Variants in PPP2R5C observed in about 807,000 individuals in gnomAD.
The protein encoded by PPP2R5C is protein phosphatase 2 regulatory subunit B'gamma.
In PPP2R5C, 7 loss-of-function variants were observed where a neutral mutation model predicts 68.9. The ratio of observed to expected loss-of-function variants is 0.10; its 90% CI spans 0.06 to 0.19. The LOEUF (loss-of-function observed/expected upper bound fraction) is 0.19, where lower values mean the gene tolerates loss of function less well. PPP2R5C is among the 10% of genes least tolerant of loss of function. PPP2R5C has a pLI of 1.00. For synonymous variants in PPP2R5C, 210 were observed against 222.2 expected (o/e 0.95, Z 0.49); for missense variants, 348 against 641.3 (o/e 0.54, Z 4.94).
intron 2 of PPP2R5C, among the ~76,000 whole-genome samples, chr14:101,866,926 AT>A (rs1403730603): frequency 6.6e-6 from 1 of 151,840 alleles, no homozygotes; most frequent in African/African-American, 2.4e-5. Flanking sequence ...TACAAAAAAA[AT>A]TTTTTTAGGC....
chr14:101,797,381 T>G lies in PPP2R5C; in HGVS notation c.259+11198T>G, dbSNP rs2038663706. 6.9e-6 allele frequency: 3 copies of G among 437,636 alleles called. No individual in the cohort carries two copies. Among genetic ancestry groups the G allele is most frequent in the Non-Finnish European group, 1.4e-5 (3 of 214,212 alleles). 27.1% of individuals were successfully genotyped at this position (437,636 alleles called of 1,614,324 possible). A position where few individuals can be genotyped will look rare whatever the true frequency, so the allele number is the denominator to read the frequency against. ...GTCAGTACACGAGTTAACAGTTGCG[T>G]GCTTGTCTGCCTGTGTCATCCATTC... On this transcript the variant is annotated intron_variant, in intron 3 of 14. Coordinates refer to the PPP2R5C transcript ENST00000328724. This position sits in a 1 kb window ranked among gnomAD's most constrained non-coding sequence, Gnocchi z 4.2.
chr14:101,850,499 G>A lies in PPP2R5C; in HGVS notation c.95-6187G>A, dbSNP rs560507534. Reference sequence around the variant, plus strand: ...TTTAAAGAGAACTTGAGTAATTGGCGAAACAGTCCATGTTCATGAATTGGA... The same window carrying A: ...TTTAAAGAGAACTTGAGTAATTGGCAAAACAGTCCATGTTCATGAATTGGA... On this transcript the variant is annotated intron_variant, in intron 1 of 13. Transcript: ENST00000334743. 3.3e-5 allele frequency among the ~76,000 whole-genome samples: 5 copies of A among 152,264 alleles called. No homozygotes were observed. The South Asian group carries it at 6.2e-4, about 19-fold the overall frequency.
intron 1 of PPP2R5C, among the ~76,000 whole-genome samples, chr14:101,845,052 A>G (rs1421827257): frequency 6.6e-6 from 1 of 151,894 alleles, no homozygotes; most frequent in East Asian, 1.9e-4. Flanking sequence ...TGTGGGAAAT[A>G]TGGCCTGTAT....
rs11325673 is a variant in PPP2R5C at position 101,924,445 on chromosome 14, C to CTTTTTTTTTTTTTTTTTTTTTTTTTTTT, written c.1444-684_1444-683insTTTTTTTTTTTTTTTTTTTTTTTTTTTT. Among the ~76,000 whole-genome samples, 233 of 84,432 alleles carry CTTTTTTTTTTTTTTTTTTTTTTTTTTTT rather than the reference C, an allele frequency of 2.8e-3. 40 individuals carry two copies. Among genetic ancestry groups the CTTTTTTTTTTTTTTTTTTTTTTTTTTTT allele is most frequent in the African/African-American group, 4.5e-3 (103 of 23,032 alleles). The allele number at this position is 84,432 out of a possible 152,430, so 55.4% of individuals were successfully genotyped here. Reference sequence around the variant, plus strand: ...TTTACCTCCAAGGAAATTTCTACATCTTTTTTTTTTTTGAGATGGAGTCTG... The same window carrying CTTTTTTTTTTTTTTTTTTTTTTTTTTTT: ...TTTACCTCCAAGGAAATTTCTACATCTTTTTTTTTTTTTTTTTTTTTTTTTTTTTTTTTTTTTTTTGAGATGGAGTCTG... On this transcript the variant is annotated intron_variant, in intron 13 of 13. Transcript: ENST00000334743.
chr14:101,921,508 C>G (rs764205997), intron 13 of PPP2R5C: 1 of 151,306 alleles, frequency 6.6e-6, no homozygotes, highest in African/African-American at 2.4e-5. Context: ...GGTGACAGAG[C>G]CAGACTCGGA....
At chr14:101,914,129 T>C (rs1299163578) in intron 12 of PPP2R5C, 1 of 452,714 alleles carries the variant, frequency 2.2e-6, no homozygotes, top group Admixed American at 2.4e-5. Flanking sequence ...TAACTTTCTG[T>C]ATTCTTTTTG....
chr14:101,807,053 T>A (rs1053957779), upstream of PPP2R5C, among the ~76,000 whole-genome samples: 1 of 152,234 alleles, frequency 6.6e-6, no homozygotes, highest in Non-Finnish European at 1.5e-5. Context: ...ATTTTTTTGC[T>A]TGAGAATTGA....
rs768687018 is a variant in PPP2R5C at position 101,916,359 on chromosome 14, G to A, written c.1327-1472G>A. On this transcript the variant is annotated intron_variant, in intron 12 of 13. Coordinates refer to ENST00000334743, the Ensembl canonical transcript of PPP2R5C. The surrounding 1 kb of genome is among the most constrained non-coding windows in gnomAD (Gnocchi z 5.5). The stretch of plus-strand genomic sequence containing the variant: ...ACGTGGAAGCCAGGTGGGCTGAGTT[G>A]AGCAGCAGGGCCTGGGCCTGGAGGC... 7.2e-5 allele frequency among the ~76,000 whole-genome samples: 11 copies of A among 152,190 alleles called. No homozygotes were observed. The highest frequency in any genetic ancestry group is 3.2e-3 in the Middle Eastern group (1 of 316).
At chr14:101,847,030 C>T (rs940414493) in intron 1 of PPP2R5C, among the ~76,000 whole-genome samples, 3 of 152,188 alleles carry the variant, frequency 2.0e-5, no homozygotes, top group Non-Finnish European at 4.4e-5. Flanking sequence ...ATGTTGCATT[C>T]TACTCTGATA....
At chr14:101,866,835 A>G (rs2043099406) in intron 2 of PPP2R5C, among the ~76,000 whole-genome samples, 1 of 152,128 alleles carries the variant, frequency 6.6e-6, no homozygotes, top group South Asian at 2.1e-4. Context: ...CTATAATCCA[A>G]CTTTGGGAGG....
intron 2 of PPP2R5C, among the ~76,000 whole-genome samples, chr14:101,777,094 T>C (rs1351542357): frequency 6.6e-6 from 1 of 151,992 alleles, no homozygotes; most frequent in Non-Finnish European, 1.5e-5. Context: ...TTGGCCAGGA[T>C]GGTCTCGAGC....
In PPP2R5C at chr14:101,891,750, G is replaced by C. The variant is rs80161166; in HGVS notation, c.690-1250G>C. ...GCTCCAGGCTCGCCCTTCCCGCATT[G>C]TCCGCTGTGCCGCGCAGAGTCAGTA... On this transcript the variant is annotated intron_variant, in intron 6 of 13. Transcript: ENST00000334743. This position sits in a 1 kb window ranked among gnomAD's most constrained non-coding sequence, Gnocchi z 4.9. Among the ~76,000 whole-genome samples the C allele has an allele frequency of 0.018, 2,718 of 152,320 alleles. 51 individuals carry two copies. Among genetic ancestry groups the C allele is most frequent in the African/African-American group, 0.04 (1,650 of 41,560 alleles).
chr14:101,762,199 C>T (rs1401307897), intron 1 of PPP2R5C, among the ~76,000 whole-genome samples: 1 of 151,590 alleles, frequency 6.6e-6, no homozygotes, highest in African/African-American at 2.4e-5. Flanking sequence ...GGAGGGAGGG[C>T]GCGGCCCGGG....
intron 9 of PPP2R5C, among the ~76,000 whole-genome samples, chr14:101,904,383 CAA>C (rs1333801468): frequency 6.6e-6 from 1 of 152,158 alleles, no homozygotes; most frequent in Non-Finnish European, 1.5e-5. Context: ...CTCCTGACCT[CAA>C]GTGATCCACC....
In PPP2R5C at chr14:101,923,617, T is replaced by C. The variant is rs560514829; in HGVS notation, c.1444-1524T>C. 4.6e-5 allele frequency among the ~76,000 whole-genome samples: 7 copies of C among 152,328 alleles called. No homozygotes were observed. In the South Asian group the frequency reaches 1.0e-3, roughly 23 times the overall value. ...GATGATTCTCCTAAAACCCTCACGC[T>C]GGTTTCCAGGGAAACAAGAAACCAA... On this transcript the variant is annotated intron_variant, in intron 13 of 13. Coordinates refer to ENST00000334743, the Ensembl canonical transcript of PPP2R5C.
intron 13 of PPP2R5C, chr14:101,922,069 A>G (rs2047035664): frequency 2.0e-6 from 2 of 985,456 alleles, no homozygotes; most frequent in African/African-American, 3.5e-5. Context: ...CTCATTACTC[A>G]ACGTGTAGAG....
intron 3 of PPP2R5C, among the ~76,000 whole-genome samples, chr14:101,794,313 T>G (rs1411719825): frequency 6.6e-6 from 1 of 152,178 alleles, no homozygotes; most frequent in Non-Finnish European, 1.5e-5. Context: ...TCTTAAACAG[T>G]TCCCAAAAAC....
chr14:101,780,630 G>A (rs764583151), intron 2 of PPP2R5C, among the ~76,000 whole-genome samples: 1 of 152,104 alleles, frequency 6.6e-6, no homozygotes, highest in Non-Finnish European at 1.5e-5. Context: ...CTTTGCTTTT[G>A]GTTAACACAC....
At chr14:101,847,256 G>A (rs930806613) in intron 1 of PPP2R5C, among the ~76,000 whole-genome samples, 1 of 152,174 alleles carries the variant, frequency 6.6e-6, no homozygotes, top group Non-Finnish European at 1.5e-5. Context: ...TTAATGTAGG[G>A]TATATAAATT....
Sources: allele counts gnomAD v4.1 joint callset (sites outside exome capture counted in the v4.1 genomes callset), GRCh38; gene constraint gnomAD v4.1.1; non-coding constraint Gnocchi (gnomAD v3.1); transcripts MANE v1.5; gene names NCBI Gene and HGNC (gene_info 2026-07-23, HGNC 2026-07-21).